Variants in KCNQ3 observed in about 807,000 individuals in gnomAD.
KCNQ3 encodes potassium voltage-gated channel subfamily KQT member 3.
Under a neutral mutation model 92.5 loss-of-function variants are expected in KCNQ3, and 30 were observed. The observed-to-expected ratio is 0.32, with a 90% confidence interval of 0.24 to 0.44. KCNQ3 has a LOEUF of 0.44. Ranked by LOEUF, KCNQ3 falls within the 20% of genes least tolerant of loss-of-function variation. KCNQ3 has a pLI of 1.00. For synonymous variants in KCNQ3, 450 were observed against 468.8 expected (o/e 0.96, Z 0.52); for missense variants, 913 against 1,140.3 (o/e 0.80, Z 2.87).
chr8:132,240,942 G>A (rs559046903), intron 1 of KCNQ3, among the ~76,000 whole-genome samples: 78 of 151,546 alleles, frequency 5.1e-4, no homozygotes, highest in Non-Finnish European at 9.1e-4. Context: ...AGGCTGGAGT[G>A]CAGTGGCTCG....
At chr8:132,182,494 T>A (rs1476422955) in intron 3 of KCNQ3, among the ~76,000 whole-genome samples, 1 of 152,202 alleles carries the variant, frequency 6.6e-6, no homozygotes, top group Admixed American at 6.5e-5. Context: ...CAGCCTCATC[T>A]CCCCAGGGAG....
intron 1 of KCNQ3, among the ~76,000 whole-genome samples, chr8:132,331,715 G>T (rs1205405525): frequency 2.0e-5 from 3 of 152,164 alleles, no homozygotes; most frequent in African/African-American, 4.8e-5. Flanking sequence ...TAGTATAATG[G>T]GATATAAATA....
At chr8:132,302,650 C>T (rs1226202780) in intron 1 of KCNQ3, among the ~76,000 whole-genome samples, 1 of 152,216 alleles carries the variant, frequency 6.6e-6, no homozygotes, top group Non-Finnish European at 1.5e-5. Flanking sequence ...TGACCCCAAA[C>T]TAGGCCTGAA....
intron 1 of KCNQ3, among the ~76,000 whole-genome samples, chr8:132,342,304 G>C (rs1818554603): frequency 6.6e-6 from 1 of 150,808 alleles, no homozygotes; most frequent in Non-Finnish European, 1.5e-5. Flanking sequence ...CCCATCCATT[G>C]ATTTCTTTTT....
At chr8:132,450,821 T>A (rs530827318) in intron 1 of KCNQ3, among the ~76,000 whole-genome samples, 4 of 152,218 alleles carry the variant, frequency 2.6e-5, no homozygotes, top group South Asian at 2.1e-4. Context: ...CGTCCTCCCT[T>A]CTCTGCCCTT....
chr8:132,295,109 T>C (rs1816975797), intron 1 of KCNQ3, among the ~76,000 whole-genome samples: 2 of 152,184 alleles, frequency 1.3e-5, no homozygotes, highest in South Asian at 2.1e-4. Context: ...CAGCCTACTG[T>C]ATAGGAGACA....
intron 1 of KCNQ3, among the ~76,000 whole-genome samples, chr8:132,423,201 C>G (rs1475315552): frequency 1.3e-5 from 2 of 152,200 alleles, no homozygotes; most frequent in East Asian, 3.8e-4. Flanking sequence ...CTGGAGGACA[C>G]AGCAGCTTCC....
At chr8:132,369,588 C>T (rs1447395611) in intron 1 of KCNQ3, among the ~76,000 whole-genome samples, 1 of 127,592 alleles carries the variant, frequency 7.8e-6, no homozygotes, top group Non-Finnish European at 1.8e-5. Context: ...CACACACACA[C>T]ACACACACAC....
At chr8:132,447,737 C>T (rs1042545984) in intron 1 of KCNQ3, among the ~76,000 whole-genome samples, 1 of 152,186 alleles carries the variant, frequency 6.6e-6, no homozygotes, top group East Asian at 1.9e-4. Context: ...GAGACTGCCT[C>T]TGGGGAAGGG....
intron 1 of KCNQ3, among the ~76,000 whole-genome samples, chr8:132,363,806 C>T (rs1234735816): frequency 6.6e-6 from 1 of 151,404 alleles, no homozygotes; most frequent in Non-Finnish European, 1.5e-5. Context: ...GCTTGTCTTA[C>T]TTTCTTTCTC....
At chr8:132,266,758 A>G (rs1815994992) in intron 1 of KCNQ3, among the ~76,000 whole-genome samples, 1 of 152,104 alleles carries the variant, frequency 6.6e-6, no homozygotes, top group Admixed American at 6.5e-5. Flanking sequence ...GCAGGTCTGG[A>G]GTGAAGCTGA....
At chr8:132,187,250 G>A (rs771411854) in intron 1 of KCNQ3, 11 of 455,874 alleles carry the variant, frequency 2.4e-5, no homozygotes, top group Admixed American at 4.7e-5. Context: ...AATGGCAGAC[G>A]TTGCGCATAC....
chr8:132,178,753 C>T (rs114958479), intron 4 of KCNQ3, among the ~76,000 whole-genome samples: 4,213 of 151,858 alleles, frequency 0.028, 225 homozygotes, highest in African/African-American at 0.098. Flanking sequence ...AAGGTATGTT[C>T]TGGAGCTGTC....
chr8:132,193,299 G>A (rs556507618), intron 1 of KCNQ3, among the ~76,000 whole-genome samples: 3 of 152,170 alleles, frequency 2.0e-5, no homozygotes, highest in African/African-American at 7.2e-5. Context: ...CCTCACCTTC[G>A]GCCATCTTCC....
chr8:132,364,460 G>T (rs1225924392), intron 1 of KCNQ3, among the ~76,000 whole-genome samples: 2 of 152,158 alleles, frequency 1.3e-5, no homozygotes, highest in Non-Finnish European at 2.9e-5. Context: ...CATGCCACGG[G>T]AGGTCACTTC....
chr8:132,474,413 T>C (rs1487267982), intron 1 of KCNQ3, among the ~76,000 whole-genome samples: 1 of 152,116 alleles, frequency 6.6e-6, no homozygotes, highest in Non-Finnish European at 1.5e-5. Flanking sequence ...TTTCATAAAA[T>C]CAGAATCTCT....
chr8:132,164,984 C>T (rs113550723), intron 8 of KCNQ3, among the ~76,000 whole-genome samples: 3,608 of 152,266 alleles, frequency 0.024, 63 homozygotes, highest in Non-Finnish European at 0.033. Context: ...TAATGAAGGC[C>T]CATACTCCAC....
chr8:132,413,550 A>AT (rs1820711365), intron 1 of KCNQ3, among the ~76,000 whole-genome samples: 2 of 152,178 alleles, frequency 1.3e-5, no homozygotes, highest in Non-Finnish European at 2.9e-5. Flanking sequence ...ATTTATCTCC[A>AT]TTCCCCATGC....
chr8:132,307,924 A>G (rs1817477933), intron 1 of KCNQ3, among the ~76,000 whole-genome samples: 1 of 152,106 alleles, frequency 6.6e-6, no homozygotes, highest in African/African-American at 2.4e-5. Context: ...TTCCCTGGTG[A>G]CAGAAATGTG....
Sources: gnomAD v4.1 joint callset for allele counts (sites outside exome capture counted in the v4.1 genomes callset) on GRCh38, gnomAD v4.1.1 for gene constraint, MANE v1.5 for transcripts, NCBI Gene and HGNC (gene_info 2026-07-23, HGNC 2026-07-21) for gene names.